Variants in CADM2 observed in about 807,000 individuals in gnomAD.
The protein encoded by CADM2 is cell adhesion molecule 2.
A neutral mutation model predicts 49.8 loss-of-function variants in CADM2; 12 were observed. That is an observed-to-expected ratio of 0.24 (90% confidence interval 0.15 to 0.39). CADM2 has a LOEUF of 0.39. CADM2 is among the 10% of genes least tolerant of loss of function. The pLI, the probability that CADM2 is intolerant of heterozygous loss-of-function variation, is 1.00. For missense variants in CADM2, 378 were observed against 492.3 expected, an observed-to-expected ratio of 0.77 and a Z score of 2.20; for synonymous variants, 214 against 175.4, an observed-to-expected ratio of 1.22 and a Z score of -1.74.
chr3:85,415,682 T>C (rs2035888858), intron 1 of CADM2, among the ~76,000 whole-genome samples: 1 of 152,146 alleles, frequency 6.6e-6, no homozygotes, highest in South Asian at 2.1e-4. Flanking sequence ...TCATGAGAGC[T>C]ATTAATTGCA....
chr3:85,187,559 C>T (rs990159384), intron 1 of CADM2, among the ~76,000 whole-genome samples: 11 of 151,942 alleles, frequency 7.2e-5, no homozygotes, highest in Admixed American at 6.6e-4. Context: ...TTAGTAAATT[C>T]CCAACTTGCT....
chr3:85,454,095 C>T (rs752910332), intron 1 of CADM2, among the ~76,000 whole-genome samples: 10 of 152,042 alleles, frequency 6.6e-5, no homozygotes, highest in Non-Finnish European at 1.5e-4. Context: ...AGGCTCACGC[C>T]CGTAATCCAA....
At position 85,996,323 on chromosome 3, in the gene CADM2, G is replaced by A. The variant is rs532422498; in HGVS notation, c.970+34676G>A. ...TTTTTTTTTTTTTTTGGTCTGAGACGGAGTCTCACTCTGTCACCAGGCTGG... is the reference window on the plus strand; with the variant it reads ...TTTTTTTTTTTTTTTGGTCTGAGACAGAGTCTCACTCTGTCACCAGGCTGG... On this transcript the variant is annotated intron_variant, in intron 8 of 9. Transcript: ENST00000383699. 2.6e-3 allele frequency among the ~76,000 whole-genome samples: 362 copies of A among 138,150 alleles called. 2 individuals are homozygous for A. The highest frequency in any genetic ancestry group is 9.5e-3 in the African/African-American group (351 of 36,842). The allele number at this position is 138,150 out of a possible 152,430, so 90.6% of individuals were successfully genotyped here.
chr3:85,384,146 G>C (rs1183801583), intron 1 of CADM2, among the ~76,000 whole-genome samples: 1 of 151,990 alleles, frequency 6.6e-6, no homozygotes, highest in Non-Finnish European at 1.5e-5. Flanking sequence ...TTCTTGTTAT[G>C]GTATCTTTTA....
At chr3:86,013,963 T>G in intron 8 of CADM2, 1 of 1,534,330 alleles carries the variant, frequency 6.5e-7, no homozygotes. Flanking sequence ...GTACCTGTTA[T>G]GGGAGTATCT....
At chr3:85,032,731 A>G (rs1472809726) in intron 1 of CADM2, among the ~76,000 whole-genome samples, 3 of 152,074 alleles carry the variant, frequency 2.0e-5, no homozygotes, top group East Asian at 3.9e-4. Flanking sequence ...TTTTAGGAAT[A>G]GTTTTTTTTC....
At chr3:85,712,083 G>A (rs1212208576) in intron 1 of CADM2, among the ~76,000 whole-genome samples, 3 of 152,236 alleles carry the variant, frequency 2.0e-5, no homozygotes, top group East Asian at 1.9e-4. Context: ...CTTCAGTGAC[G>A]AAACTTATTC....
chr3:85,006,808 A>G lies in CADM2; in HGVS notation c.61+47140A>G, dbSNP rs534401027. On this transcript the variant is annotated intron_variant, in intron 1 of 9. Coordinates refer to ENST00000383699, the MANE Select transcript of CADM2 (RefSeq NM_001167675.2). Reference sequence around the variant, plus strand: ...ATCAAACTTAAAAGATAAAATATAAAAAAAATCACCCATGCCTCTGTTTTA... The same window carrying G: ...ATCAAACTTAAAAGATAAAATATAAGAAAAATCACCCATGCCTCTGTTTTA... 9.2e-4 allele frequency among the ~76,000 whole-genome samples: 140 copies of G among 152,262 alleles called. 2 individuals are homozygous for G. The South Asian group carries it at 0.029, about 31-fold the overall frequency.
chr3:85,268,228 G>A (rs890053896), intron 1 of CADM2, among the ~76,000 whole-genome samples: 1 of 151,222 alleles, frequency 6.6e-6, no homozygotes, highest in African/African-American at 2.4e-5. Context: ...AAAAAAACAC[G>A]TGCAAAAACC....
intron 3 of CADM2, among the ~76,000 whole-genome samples, chr3:85,833,876 G>T (rs1234156565): frequency 7.3e-5 from 11 of 151,258 alleles, no homozygotes; most frequent in African/African-American, 1.7e-4. Flanking sequence ...TGATATTTAG[G>T]TTTTTTTCCA....
intron 1 of CADM2, among the ~76,000 whole-genome samples, chr3:84,999,553 A>G (rs1015679750): frequency 6.6e-6 from 1 of 152,184 alleles, no homozygotes; most frequent in South Asian, 2.1e-4. Context: ...TGCATAGAGC[A>G]CAAAAAATGA....
intron 8 of CADM2, among the ~76,000 whole-genome samples, chr3:86,043,398 C>CA (rs1736214247): frequency 6.6e-6 from 1 of 152,132 alleles, no homozygotes; most frequent in Admixed American, 6.5e-5. Flanking sequence ...GATACAAAAT[C>CA]AATGTGCAAA....
chr3:85,066,107 G>GAC (rs1264154892), intron 1 of CADM2, among the ~76,000 whole-genome samples: 1 of 152,086 alleles, frequency 6.6e-6, no homozygotes, highest in African/African-American at 2.4e-5. Context: ...AAACGTAAGA[G>GAC]ACACAGAGCA....
At chr3:85,690,264 T>A (rs1023750458) in intron 1 of CADM2, among the ~76,000 whole-genome samples, 3 of 152,050 alleles carry the variant, frequency 2.0e-5, no homozygotes, top group East Asian at 1.9e-4. Flanking sequence ...GTAAGGAAAT[T>A]TCTGTGGGGA....
At chr3:85,256,079 T>C (rs533729195) in intron 1 of CADM2, among the ~76,000 whole-genome samples, 2 of 152,112 alleles carry the variant, frequency 1.3e-5, no homozygotes, top group South Asian at 4.2e-4. Flanking sequence ...GGTTCCTTTT[T>C]CACTTGATTC....
At chr3:84,965,111 A>G (rs963520472) in intron 1 of CADM2, among the ~76,000 whole-genome samples, 1 of 152,244 alleles carries the variant, frequency 6.6e-6, no homozygotes, top group Non-Finnish European at 1.5e-5. Flanking sequence ...GAAGGACACA[A>G]TTTAAATTTA....
chr3:85,764,387 C>T (rs906835537), intron 2 of CADM2, among the ~76,000 whole-genome samples: 2 of 151,900 alleles, frequency 1.3e-5, no homozygotes, highest in Non-Finnish European at 2.9e-5. Flanking sequence ...AAGATGAAAT[C>T]TTTTTAAATA....
chr3:85,297,049 GAGAC>G (rs2043981807), intron 1 of CADM2, among the ~76,000 whole-genome samples: 2 of 152,052 alleles, frequency 1.3e-5, no homozygotes, highest in African/African-American at 4.8e-5. Context: ...ATTTAGGGCA[GAGAC>G]ACTATCTTAT....
intron 1 of CADM2, among the ~76,000 whole-genome samples, chr3:85,446,007 G>C (rs1293824835): frequency 6.6e-6 from 1 of 152,068 alleles, no homozygotes; most frequent in Non-Finnish European, 1.5e-5. Flanking sequence ...TGATCTTAAT[G>C]ATTTCAGGCG....
Sources: gnomAD v4.1 joint callset for allele counts (sites outside exome capture counted in the v4.1 genomes callset) on GRCh38, gnomAD v4.1.1 for gene constraint, MANE v1.5 for transcripts, NCBI Gene and HGNC (gene_info 2026-07-23, HGNC 2026-07-21) for gene names.